RNF220: variants seen among roughly 807,000 people sequenced by gnomAD.
RNF220 encodes ring finger protein 220.
RNF220 carries 7 observed loss-of-function variants against 67.1 expected under a neutral mutation model. That is an observed-to-expected ratio of 0.10 (90% CI 0.06 to 0.20). The LOEUF (loss-of-function observed/expected upper bound fraction) is 0.20. RNF220 is among the 10% of genes least tolerant of loss of function. The pLI, the probability that RNF220 is intolerant of heterozygous loss-of-function variation, is 1.00. For synonymous variants in RNF220, 270 were observed against 283.2 expected (o/e 0.95, Z 0.47); for missense variants, 565 against 740.3 (o/e 0.76, Z 2.75).
chr1:44,523,663 A>C (rs927564356), intron 2 of RNF220, among the ~76,000 whole-genome samples: 2 of 151,946 alleles, frequency 1.3e-5, no homozygotes, highest in African/African-American at 4.8e-5. Context: ...CCATGCTTTG[A>C]AAGAACCTGC....
intron 2 of RNF220, among the ~76,000 whole-genome samples, chr1:44,552,566 C>CTTTTTT (rs57847805): frequency 5.5e-4 from 46 of 83,742 alleles, no homozygotes; most frequent in African/African-American, 1.9e-3. Flanking sequence ...TAAACTTCTT[C>CTTTTTT]TTTTTTTTTT....
chr1:44,613,873 T>A (rs940760927), intron 2 of RNF220, among the ~76,000 whole-genome samples: 5 of 152,048 alleles, frequency 3.3e-5, no homozygotes, highest in African/African-American at 1.2e-4. Context: ...CAAGACTCTG[T>A]CTCAAATTAA....
At chr1:44,527,925 C>CAAAAAAAAAAAAAAAAAAAAAAAAAAAA (rs56409207) in intron 2 of RNF220, among the ~76,000 whole-genome samples, 1 of 56,196 alleles carries the variant, frequency 1.8e-5, no homozygotes, top group African/African-American at 1.0e-4. Flanking sequence ...GACTCCATCC[C>CAAAAAAAAAAAAAAAAAAAAAAAAAAAA]AAAAAAAAAA....
In RNF220 at chr1:44,417,947, A is replaced by G. The variant is rs1350231463; in HGVS notation, c.625+5225A>G. ...CAGGAGGACTCCGCGCGCCGCCTCG[A>G]GGGCCGGGAGCGCCCAGCCCGCGGC... On this transcript the variant is annotated intron_variant, in intron 2 of 14. Coordinates refer to ENST00000361799, the MANE Select transcript of RNF220 (RefSeq NM_018150.4). The surrounding 1 kb of genome is among the most constrained non-coding windows in gnomAD (Gnocchi z 4.0). Among the ~76,000 whole-genome samples the G allele has an allele frequency of 1.3e-5, 2 of 151,534 alleles. No homozygotes were observed. Among genetic ancestry groups the G allele is most frequent in the Non-Finnish European group, 3.0e-5 (2 of 67,774 alleles).
chr1:44,568,753 C>T lies in RNF220; in HGVS notation c.626-45412C>T, dbSNP rs184388216. Among the ~76,000 whole-genome samples the T allele has an allele frequency of 6.7e-4, 102 of 152,252 alleles. 1 individual carries two copies. The East Asian group carries it at 0.011, about 17-fold the overall frequency. On this transcript the variant is annotated intron_variant, in intron 2 of 14. Coordinates refer to ENST00000361799, the MANE Select transcript of RNF220 (RefSeq NM_018150.4). The stretch of plus-strand genomic sequence containing the variant: ...TGCAGAAGGTTGCTTGGGTGGAGTC[C>T]GAGCTCCCCCACCAACATGTTGTGT...
At chr1:44,451,098 G>A (rs535895684) in intron 2 of RNF220, among the ~76,000 whole-genome samples, 1 of 152,132 alleles carries the variant, frequency 6.6e-6, no homozygotes, top group Admixed American at 6.5e-5. Context: ...CAGGAGAATG[G>A]CGTGAACCTG....
rs376800188 is a variant in RNF220, at chr1:44,475,885, A to C, written c.625+63163A>C. ...AAATTGGCTGGGTGTGTTGGCGCACACCTGTAGTCCCAGCTACTCAGGAGG... is the reference window on the plus strand; with the variant it reads ...AAATTGGCTGGGTGTGTTGGCGCACCCCTGTAGTCCCAGCTACTCAGGAGG... On this transcript the variant is annotated intron_variant, in intron 2 of 14. Transcript: ENST00000361799. Among the ~76,000 whole-genome samples, 38 of 145,722 alleles carry C rather than the reference A, an allele frequency of 2.6e-4. 3 individuals are homozygous for C. Among genetic ancestry groups the C allele is most frequent in the Admixed American group, 2.1e-3 (30 of 14,568 alleles).
chr1:44,497,927 A>G (rs1657491506), intron 2 of RNF220, among the ~76,000 whole-genome samples: 1 of 152,204 alleles, frequency 6.6e-6, no homozygotes, highest in African/African-American at 2.4e-5. Flanking sequence ...ACTGGCGCCA[A>G]AGGCAAAGGT....
chr1:44,411,920 C>T lies in RNF220; in HGVS notation c.-117-61C>T, dbSNP rs1352849195. On this transcript the variant is annotated intron_variant, in intron 1 of 14. Transcript: ENST00000361799. Reference sequence around the variant, plus strand: ...TGGTGTTTCGATCACTTGGGGTTTCCCTTTTTTTCCTCCCCCTGACTTTCC... The same window carrying T: ...TGGTGTTTCGATCACTTGGGGTTTCTCTTTTTTTCCTCCCCCTGACTTTCC... 4 of 670,690 alleles carry T rather than the reference C, an allele frequency of 6.0e-6. No individual in the cohort carries two copies. In the East Asian group the frequency reaches 8.5e-5, roughly 14 times the overall value. The allele number at this position is 670,690 out of a possible 1,614,324, so 41.5% of individuals were successfully genotyped here. A position where few individuals can be genotyped will look rare whatever the true frequency, so the allele number is the denominator to read the frequency against.
chr1:44,416,485 A>G (rs1354181930), intron 2 of RNF220, among the ~76,000 whole-genome samples: 2 of 152,198 alleles, frequency 1.3e-5, no homozygotes, highest in African/African-American at 4.8e-5. Flanking sequence ...GGCTCCTGTC[A>G]TGTGCATATC....
At chr1:44,644,356 T>G (rs575335308) in intron 8 of RNF220, 31 of 220,902 alleles carry the variant, frequency 1.4e-4, no homozygotes, top group Admixed American at 1.3e-3. Context: ...AGACCTGAAT[T>G]TTTCTGTCCT....
At chr1:44,541,889 T>A (rs1661700669) in intron 2 of RNF220, among the ~76,000 whole-genome samples, 1 of 152,236 alleles carries the variant, frequency 6.6e-6, no homozygotes, top group South Asian at 2.1e-4. Flanking sequence ...TTTATAAAAT[T>A]AAATTTTGAG....
chr1:44,581,865 C>T (rs1665304225), intron 2 of RNF220, among the ~76,000 whole-genome samples: 1 of 152,210 alleles, frequency 6.6e-6, no homozygotes, highest in South Asian at 2.1e-4. Context: ...GGGGTTTCAT[C>T]TCTAGGTGTG....
intron 2 of RNF220, among the ~76,000 whole-genome samples, chr1:44,480,497 G>C (rs1337069975): frequency 6.6e-6 from 1 of 152,142 alleles, no homozygotes; most frequent in Non-Finnish European, 1.5e-5. Context: ...ACAGACCCAA[G>C]CCCTGGATAA....
chr1:44,468,152 T>G (rs1469235459), intron 2 of RNF220, among the ~76,000 whole-genome samples: 2 of 100,352 alleles, frequency 2.0e-5, no homozygotes, highest in African/African-American at 7.1e-5. Context: ...ATGGCACTGA[T>G]AGATTTGCTC....
intron 2 of RNF220, among the ~76,000 whole-genome samples, chr1:44,524,618 A>T (rs1271453941): frequency 2.0e-5 from 3 of 151,962 alleles, no homozygotes. Context: ...CTTCCTCCGC[A>T]TCTCTCCTCT....
intron 2 of RNF220, among the ~76,000 whole-genome samples, chr1:44,512,856 T>C (rs1160464264): frequency 1.3e-5 from 2 of 151,878 alleles, no homozygotes; most frequent in Non-Finnish European, 2.9e-5. Context: ...GCAGCGAGTT[T>C]CCCAACAGTG....
chr1:44,419,048 T>C (rs1648921945), intron 2 of RNF220, among the ~76,000 whole-genome samples: 1 of 152,144 alleles, frequency 6.6e-6, no homozygotes, highest in African/African-American at 2.4e-5. Flanking sequence ...AAAATAGCAA[T>C]ATTGTTTGGA....
At chr1:44,420,991 C>T (rs540056713) in intron 2 of RNF220, among the ~76,000 whole-genome samples, 2 of 152,302 alleles carry the variant, frequency 1.3e-5, no homozygotes, top group Admixed American at 6.5e-5. Context: ...CACACTCATG[C>T]CTTATGGCAA....
Sources: allele counts gnomAD v4.1 joint callset (sites outside exome capture counted in the v4.1 genomes callset), GRCh38; gene constraint gnomAD v4.1.1; non-coding constraint Gnocchi (gnomAD v3.1); transcripts MANE v1.5; gene names NCBI Gene and HGNC (gene_info 2026-07-23, HGNC 2026-07-21).